Variants in BIN2 observed in about 807,000 individuals in gnomAD.
The protein encoded by BIN2 is breast cancer associated protein BRAP1.
Under a neutral mutation model 67.9 loss-of-function variants are expected in BIN2, and 43 were observed. The ratio of observed to expected loss-of-function variants is 0.63; its 90% CI spans 0.50 to 0.82. The LOEUF (loss-of-function observed/expected upper bound fraction) is 0.82. BIN2 is among the 40% of genes least tolerant of loss of function. BIN2 has a pLI of 0.00. For synonymous variants in BIN2, 244 were observed against 246.8 expected (o/e 0.99, Z 0.11); for missense variants, 581 against 671.6 (o/e 0.87, Z 1.49).
At chr12:51,282,688 C>T (rs1286591943) in intron 12 of BIN2, among the ~76,000 whole-genome samples, 1 of 152,054 alleles carries the variant, frequency 6.6e-6, no homozygotes, top group Non-Finnish European at 1.5e-5. Context: ...TTCTTTGTCC[C>T]GGGTTCAAGT....
chr12:51,297,422 C>G (rs1945595207), intron 7 of BIN2: 1 of 293,190 alleles, frequency 3.4e-6, no homozygotes, highest in African/African-American at 2.2e-5. Flanking sequence ...AAAAAATTAG[C>G]CGGGCGTGGT....
At position 51,320,954 on chromosome 12, in the gene BIN2, A is replaced by AACACAC. The variant is rs59450014; in HGVS notation, c.81+3062_81+3067dup. 6.2e-4 allele frequency among the ~76,000 whole-genome samples: 92 copies of AACACAC among 147,324 alleles called. 1 individual carries two copies. Among genetic ancestry groups the AACACAC allele is most frequent in the African/African-American group, 2.0e-3 (78 of 39,860 alleles). On this transcript the variant is annotated intron_variant, in intron 1 of 12. Transcript: ENST00000615107. The stretch of plus-strand genomic sequence containing the variant: ...TACTAAAAACACACACACACACACA[A>AACACAC]ACACACACACACACACTCTAAAGCC...
chr12:51,284,759 A>G lies in BIN2; in HGVS notation c.1625T>C (p.Val542Ala), dbSNP rs2137335635. 3 of 1,613,594 alleles carry G rather than the reference A, an allele frequency of 1.9e-6. No homozygotes were observed. The highest frequency in any genetic ancestry group is 2.2e-5 in the East Asian group (1 of 44,860). The change falls in exon 12 of 13, where the codon GTA becomes GCA. Residue 542 changes from valine (V) to alanine (A), a missense_variant. Physicochemically the swap from Val to Ala is moderately conservative, Grantham distance 64 (BLOSUM62 0). Coordinates refer to ENST00000615107, the MANE Select transcript of BIN2 (RefSeq NM_016293.4). The part of the protein sequence containing the change: ...EGQDQLQVSM[V>A]PENNNLTAPE... ...TGCTGTGAGGTTGTTGTTTTCTGGT[A>G]CCATGGAGACTTGAAGCTGGTCTTG...
intron 12 of BIN2, among the ~76,000 whole-genome samples, chr12:51,282,038 T>C (rs1189226786): frequency 6.6e-6 from 1 of 152,164 alleles, no homozygotes; most frequent in Non-Finnish European, 1.5e-5. Flanking sequence ...CCTAGCCTCC[T>C]TAAGGAATGA....
intron 10 of BIN2, among the ~76,000 whole-genome samples, chr12:51,289,580 C>T (rs955277840): frequency 2.0e-5 from 3 of 152,070 alleles, no homozygotes; most frequent in African/African-American, 7.2e-5. Flanking sequence ...CATGCCATTG[C>T]ACTCCAGCCT....
At chr12:51,295,576 A>AG (rs1945531172) in intron 9 of BIN2, among the ~76,000 whole-genome samples, 1 of 18,402 alleles carries the variant, frequency 5.4e-5, no homozygotes, top group Non-Finnish European at 9.7e-5. Context: ...AAAAAAAAAA[A>AG]AATATATATA....
intron 1 of BIN2, among the ~76,000 whole-genome samples, chr12:51,314,374 A>T (rs1233105743): frequency 1.3e-5 from 2 of 152,152 alleles, no homozygotes; most frequent in Non-Finnish European, 2.9e-5. Context: ...TTACTGGACC[A>T]AAAGAATTAG....
At chr12:51,288,426 G>A (rs1352144497) in intron 10 of BIN2, among the ~76,000 whole-genome samples, 2 of 152,076 alleles carry the variant, frequency 1.3e-5, no homozygotes, top group Admixed American at 1.3e-4. Context: ...ACATGTCACC[G>A]CTGACTGCTC....
rs1437743361 is a variant in BIN2 at position 51,281,143 on chromosome 12, A to T, written c.*356T>A. 4.2e-6 allele frequency: 1 copy of T among 238,052 alleles called. No homozygotes were observed. The highest frequency in any genetic ancestry group is 2.2e-5 in the African/African-American group (1 of 45,314). 14.7% of individuals were successfully genotyped at this position (238,052 alleles called of 1,614,324 possible). A position where few individuals can be genotyped will look rare whatever the true frequency, so the allele number is the denominator to read the frequency against. On this transcript the variant is annotated 3_prime_UTR_variant, in exon 13 of 13. Transcript: ENST00000615107. ...AGACAGATTTGTTCACTATCCTCTG[A>T]GTGTGTGTGGTTATGTCTCTGTATA... is the stretch of plus-strand genomic sequence containing the variant.
At chr12:51,313,552 G>C (rs1409226645) in intron 2 of BIN2, among the ~76,000 whole-genome samples, 1 of 151,888 alleles carries the variant, frequency 6.6e-6, no homozygotes, top group Non-Finnish European at 1.5e-5. Context: ...TGTTGGCCAG[G>C]ATGGTCTCAA....
At chr12:51,313,212 AAGGAAGGAAGGC>A (rs1302761299) in intron 2 of BIN2, among the ~76,000 whole-genome samples, 13 of 141,198 alleles carry the variant, frequency 9.2e-5, no homozygotes, top group East Asian at 2.5e-4. Flanking sequence ...GGAAGGAAGG[AAGGAAGGAAGGC>A]AGGAAGGCAG....
intron 10 of BIN2, among the ~76,000 whole-genome samples, chr12:51,289,641 A>G (rs2137352297): frequency 6.6e-6 from 1 of 152,152 alleles, no homozygotes; most frequent in East Asian, 1.9e-4. Context: ...AAAAAAGAGT[A>G]TGACTTGATT....
intron 5 of BIN2, among the ~76,000 whole-genome samples, chr12:51,301,319 G>A (rs1945717148): frequency 6.6e-6 from 1 of 152,128 alleles, no homozygotes; most frequent in Non-Finnish European, 1.5e-5. Flanking sequence ...GTTTAGAATA[G>A]GTTGAATTCC....
intron 2 of BIN2, among the ~76,000 whole-genome samples, chr12:51,309,623 G>A (rs1334240835): frequency 1.3e-5 from 2 of 151,792 alleles, no homozygotes; most frequent in Admixed American, 6.6e-5. Context: ...TGGCCCTTCC[G>A]CTTCAGCCTC....
chr12:51,297,244 T>G, intron 7 of BIN2, 80 bp from the exon 8 acceptor site: 1 of 1,421,536 alleles, frequency 7.0e-7, no homozygotes, highest in Non-Finnish European at 9.8e-7. Context: ...AAGTAGGACT[T>G]AAGCCAAAAC....
At chr12:51,307,087 A>G (rs1403325723) in intron 2 of BIN2, among the ~76,000 whole-genome samples, 10 of 151,932 alleles carry the variant, frequency 6.6e-5, no homozygotes, top group Non-Finnish European at 1.3e-4. Context: ...GATCGAGACC[A>G]GACTGGCCAA....
At chr12:51,322,260 A>G (rs1946302512) in intron 1 of BIN2, among the ~76,000 whole-genome samples, 1 of 152,236 alleles carries the variant, frequency 6.6e-6, no homozygotes, top group South Asian at 2.1e-4. Flanking sequence ...AGAGCAGGAC[A>G]TTATTTAGCC....
chr12:51,307,567 G>A (rs934704107), intron 2 of BIN2, among the ~76,000 whole-genome samples: 3 of 151,804 alleles, frequency 2.0e-5, no homozygotes, highest in Admixed American at 1.3e-4. Flanking sequence ...AAATTAGCTG[G>A]GTGTGGTAGT....
At chr12:51,300,733 A>G (rs899080901) in intron 5 of BIN2, among the ~76,000 whole-genome samples, 11 of 152,174 alleles carry the variant, frequency 7.2e-5, no homozygotes, top group African/African-American at 2.4e-4. Context: ...TTTCCCATAC[A>G]ATACCATGAG....
Sources: allele counts gnomAD v4.1 joint callset (sites outside exome capture counted in the v4.1 genomes callset), GRCh38; gene constraint gnomAD v4.1.1; transcripts MANE v1.5; gene names NCBI Gene and HGNC (gene_info 2026-07-23, HGNC 2026-07-21).